Variants in AMER1 observed in about 807,000 individuals in gnomAD.
AMER1 encodes RP11-403E24.2.
AMER1 carries 16 observed loss-of-function variants against 53.0 expected under a neutral mutation model. The ratio of observed to expected loss-of-function variants is 0.30; its 90% CI spans 0.20 to 0.46. The LOEUF (loss-of-function observed/expected upper bound fraction) is 0.46, where lower values mean the gene tolerates loss of function less well. Ranked by LOEUF, AMER1 falls within the 20% of genes least tolerant of loss-of-function variation. AMER1 has a pLI of 1.00. For synonymous variants in AMER1, 354 were observed against 331.9 expected (o/e 1.07, Z -0.73); for missense variants, 947 against 884.9 (o/e 1.07, Z -0.89).
At position 64,192,872 on chromosome X, in the gene AMER1, T is replaced by C. The variant is rs1411299812; in HGVS notation, c.415A>G (p.Thr139Ala). The C allele has an allele frequency of 2.5e-6, 3 of 1,210,364 alleles. No individual in the cohort carries two copies. The highest frequency in any genetic ancestry group is 3.4e-6 in the Non-Finnish European group (3 of 895,326). The change falls in exon 2 of 2, where the codon ACA becomes GCA. Residue 139 changes from threonine to alanine, a missense_variant. Transcript: ENST00000374869. Reference sequence around the variant, plus strand: ...ACAGATGTCTTACATCTGGAGCCTGTCTCCAAAGCCCCATGGGCACTCTGA... The same window carrying C: ...ACAGATGTCTTACATCTGGAGCCTGCCTCCAAAGCCCCATGGGCACTCTGA... ...SSQSAHGALE[T>A]GSRCKTSVAG... is the part of the protein sequence containing the mutation.
chrX:64,205,311 G>A (rs1395562452), intron 1 of AMER1, among the ~76,000 whole-genome samples: 1 of 107,171 alleles, frequency 9.3e-6, no homozygotes, highest in Non-Finnish European at 2.0e-5. Flanking sequence ...GGGAGGCTTG[G>A]CCCAGGCTAG....
chrX:64,185,821 A>T lies in AMER1; in HGVS notation c.*4058T>A, dbSNP rs1930093738. ...AAGGGTTTCCTCAACGAGATGGTAA[A>T]TTCCTGATAGTGCAAGCATCATTGT... is the stretch of plus-strand genomic sequence containing the variant. On this transcript the variant is annotated 3_prime_UTR_variant, in exon 2 of 2. Coordinates refer to ENST00000374869, the MANE Select transcript of AMER1 (RefSeq NM_152424.4). The T allele has an allele frequency of 8.3e-6, 2 of 240,644 alleles. No homozygotes were observed. Among genetic ancestry groups the T allele is most frequent in the Admixed American group, 1.3e-4 (2 of 15,677 alleles). 19.8% of individuals were successfully genotyped at this position (240,644 alleles called of 1,213,427 possible). A position where few individuals can be genotyped will look rare whatever the true frequency, so the allele number is the denominator to read the frequency against.
Position 64,189,106 on chromosome X carries a change from A to C in AMER1, c.*773T>G, listed in dbSNP as rs1187566885. ...GATTAGCATTTTTGTCTTTAACCCA[A>C]GCTATGGCAGGACAGTTAAAAGGCC... On this transcript the variant is annotated 3_prime_UTR_variant, in exon 2 of 2. Transcript: ENST00000374869. 2 of 780,750 alleles carry C rather than the reference A, an allele frequency of 2.6e-6. No homozygotes were observed. Among genetic ancestry groups the C allele is most frequent in the East Asian group, 1.5e-4 (2 of 13,669 alleles). The allele number at this position is 780,750 out of a possible 1,213,427, so 64.3% of individuals were successfully genotyped here.
rs2147085822 is a variant in AMER1, at chrX:64,190,736, A to G, written c.2551T>C (p.Phe851Leu). The change falls in exon 2 of 2, where the codon TTC (phenylalanine) becomes CTC (leucine). Residue 851 changes from phenylalanine (F) to leucine (L), a missense_variant. Transcript: ENST00000374869. ...FELGYYHKHA[F>L]NNYHSRFYQG... ...TAGAATCGACTATGGTAGTTGTTGA[A>G]GGCATGTTTGTGATAGTAGCCCAGC... The G allele has an allele frequency of 8.3e-7, 1 of 1,206,852 alleles. No individual in the cohort carries two copies. Among genetic ancestry groups the G allele is most frequent in the Non-Finnish European group, 1.1e-6 (1 of 892,890 alleles).
chrX:64,185,908 T>G lies in AMER1; in HGVS notation c.*3971A>C. ...TGGTTGAAACCCCCTTCCTTCCCCATTGGGTGGAGAATGTTCCCAAAATGC... is the reference window on the plus strand; with the variant it reads ...TGGTTGAAACCCCCTTCCTTCCCCAGTGGGTGGAGAATGTTCCCAAAATGC... On this transcript the variant is annotated 3_prime_UTR_variant, in exon 2 of 2. Transcript: ENST00000374869. 5.4e-6 allele frequency: 2 copies of G among 367,793 alleles called. No homozygotes were observed. The highest frequency in any genetic ancestry group is 9.5e-6 in the Non-Finnish European group (2 of 210,024). The allele number at this position is 367,793 out of a possible 1,213,427, so 30.3% of individuals were successfully genotyped here. A position where few individuals can be genotyped will look rare whatever the true frequency, so the allele number is the denominator to read the frequency against.
Position 64,192,744 on chromosome X carries a change from C to G in AMER1, c.543G>C (p.Lys181Asn), listed in dbSNP as rs1274027031. 5.8e-6 allele frequency: 7 copies of G among 1,203,611 alleles called. No homozygotes were observed. Among genetic ancestry groups the G allele is most frequent in the Non-Finnish European group, 7.9e-6 (7 of 891,569 alleles). The change falls in exon 2 of 2, where the codon AAG becomes AAC. Residue 181 changes from lysine to asparagine, a missense_variant. Physicochemically the swap from Lys to Asn is moderately conservative, Grantham distance 94 (BLOSUM62 0). Transcript: ENST00000374869. ...TTTGCTCAGCCCCAGTGACCTTGCT[C>G]TTCCGGTGACGGCGGATACTGCTAA... ...GFFSSIRRHRKSKVTGAEQSE... is the reference protein window; with the variant it reads ...GFFSSIRRHRNSKVTGAEQSE...
Position 64,189,539 on chromosome X carries a change from T to TATATA in AMER1, c.*335_*339dup, listed in dbSNP as rs1930191159. 9.0e-6 allele frequency: 1 copy of TATATA among 111,148 alleles called. No homozygotes were observed. The highest frequency in any genetic ancestry group is 1.2e-4 in the African/African-American group (1 of 8,061). The allele number at this position is 111,148 out of a possible 1,213,427, so 9.2% of individuals were successfully genotyped here. A position where few individuals can be genotyped will look rare whatever the true frequency, so the allele number is the denominator to read the frequency against. ...GTATATATATATATATATATATATATATATATATATATATATATAATCACT... is the reference window on the plus strand; with the variant it reads ...GTATATATATATATATATATATATATATATAATATATATATATATATATAATCACT... On this transcript the variant is annotated 3_prime_UTR_variant, in exon 2 of 2. Coordinates refer to ENST00000374869, the MANE Select transcript of AMER1 (RefSeq NM_152424.4).
chrX:64,200,799 C>T (rs753772862), intron 1 of AMER1, among the ~76,000 whole-genome samples: 1 of 111,718 alleles, frequency 9.0e-6, no homozygotes, highest in African/African-American at 3.3e-5. Context: ...CTTACACCAC[C>T]CCTCAACATT....
chrX:64,192,525 G>C lies in AMER1; in HGVS notation c.762C>G (p.Ala254=), dbSNP rs1441292406. ...CCATGGGTTTTTCTGGATCTTTACA[G>C]GCCATTTTCTCAGTAGCTGGTGGAG... ...EPSPPATEKM[A]CKDPEKPMEA... is the part of the protein sequence containing the mutation. The change falls in exon 2 of 2, where the codon GCC becomes GCG. Residue 254 remains alanine, a synonymous_variant. Transcript: ENST00000374869. 8.3e-7 allele frequency: 1 copy of C among 1,206,517 alleles called. No homozygotes were observed. The highest frequency in any genetic ancestry group is 1.1e-6 in the Non-Finnish European group (1 of 893,816).
At position 64,189,267 on chromosome X, in the gene AMER1, A is replaced by G; in HGVS notation, c.*612T>C. 1.3e-6 allele frequency: 1 copy of G among 793,883 alleles called. No homozygotes were observed. The allele number at this position is 793,883 out of a possible 1,213,427, so 65.4% of individuals were successfully genotyped here. On this transcript the variant is annotated 3_prime_UTR_variant, in exon 2 of 2. Transcript: ENST00000374869. ...AATGATGGCAGCTATGCCAGGCCAA[A>G]AGGAATAGGGGTGGGGAGGATCTGT...
Position 64,189,392 on chromosome X carries a change from G to C in AMER1, c.*487C>G. The stretch of plus-strand genomic sequence containing the variant: ...ATCAGTGGTTCATCATTCATTGGGG[G>C]AAAGGGGCAGGGGGCACTAAAGGTT... On this transcript the variant is annotated 3_prime_UTR_variant, in exon 2 of 2. Transcript: ENST00000374869. 1.3e-6 allele frequency: 1 copy of C among 781,841 alleles called. No homozygotes were observed. The highest frequency in any genetic ancestry group is 8.3e-5 in the East Asian group (1 of 12,070). The allele number at this position is 781,841 out of a possible 1,213,427, so 64.4% of individuals were successfully genotyped here. A position where few individuals can be genotyped will look rare whatever the true frequency, so the allele number is the denominator to read the frequency against.
chrX:64,189,793 A>AGGGGGGGGGGGCCCCCCCCC lies in AMER1; in HGVS notation c.*85_*86insGGGGGGGGGCCCCCCCCCCC. The stretch of plus-strand genomic sequence containing the variant: ...CAAAGGGTTTTCAAGTTAAACAACA[A>AGGGGGGGGGGGCCCCCCCCC]CCCCCACCCCCCCACCCTTCTGCCC... On this transcript the variant is annotated 3_prime_UTR_variant, in exon 2 of 2. Coordinates refer to ENST00000374869, the MANE Select transcript of AMER1 (RefSeq NM_152424.4). 3.4e-6 allele frequency: 1 copy of AGGGGGGGGGGGCCCCCCCCC among 292,074 alleles called. No individual in the cohort carries two copies. The highest frequency in any genetic ancestry group is 4.9e-6 in the Non-Finnish European group (1 of 204,832). The allele number at this position is 292,074 out of a possible 1,213,427, so 24.1% of individuals were successfully genotyped here.
chrX:64,201,792 C>T (rs1419408034), intron 1 of AMER1, among the ~76,000 whole-genome samples: 1 of 112,118 alleles, frequency 8.9e-6, no homozygotes, highest in Non-Finnish European at 1.9e-5. Flanking sequence ...AGAGTTGTTT[C>T]TTCCATACAC....
chrX:64,188,354 T>C lies in AMER1; in HGVS notation c.*1525A>G, dbSNP rs938102416. ...ACAGGTGATTAATGAGAGGTTGAGC[T>C]TGGCAAGATTAGCCTGTTCCAATGT... On this transcript the variant is annotated 3_prime_UTR_variant, in exon 2 of 2. Coordinates refer to ENST00000374869, the MANE Select transcript of AMER1 (RefSeq NM_152424.4). 11 of 801,256 alleles carry C rather than the reference T, an allele frequency of 1.4e-5. No individual in the cohort carries two copies. The highest frequency in any genetic ancestry group is 1.6e-5 in the Non-Finnish European group (11 of 668,774). The allele number at this position is 801,256 out of a possible 1,213,427, so 66.0% of individuals were successfully genotyped here. A position where few individuals can be genotyped will look rare whatever the true frequency, so the allele number is the denominator to read the frequency against.
rs748618414 is a variant in AMER1 at position 64,190,607 on chromosome X, G to A, written c.2680C>T (p.Arg894Cys). The change falls in exon 2 of 2, where the codon CGC becomes TGC. Residue 894 changes from arginine to cysteine, a missense_variant. Arg to Cys is a radical substitution (Grantham distance 180). Transcript: ENST00000374869. ...AGGGTCTCTGCAGTGTCGAGAGAGCGGCTTCTCCTGTTGAGGGCCATAGCA... is the reference window on the plus strand; with the variant it reads ...AGGGTCTCTGCAGTGTCGAGAGAGCAGCTTCTCCTGTTGAGGGCCATAGCA... ...PAAMALNRRS[R>C]SLDTAETLEM... The A allele has an allele frequency of 1.7e-5, 21 of 1,210,457 alleles. No individual in the cohort carries two copies. Among genetic ancestry groups the A allele is most frequent in the Non-Finnish European group, 2.2e-5 (20 of 895,313 alleles).
rs180695909 is a variant in AMER1 at position 64,191,064 on chromosome X, G to A, written c.2223C>T (p.Pro741=). ...DMQEANFGGS[P]RRAYPTYSPP... ...GTGAATAAGTAGGGTAGGCCCTCCT[G>A]GGAGATCCTCCAAAATTTGCTTCTT... Residue 741 remains proline (P), a synonymous_variant, in exon 2 of 2, where the codon CCC becomes CCT. Coordinates refer to ENST00000374869, the MANE Select transcript of AMER1 (RefSeq NM_152424.4). The A allele has an allele frequency of 8.3e-6, 10 of 1,210,546 alleles. No homozygotes were observed. Among genetic ancestry groups the A allele is most frequent in the African/African-American group, 3.5e-5 (2 of 57,407 alleles).
Position 64,189,239 on chromosome X carries a change from T to TA in AMER1, c.*639dup. 1 of 797,173 alleles carries TA rather than the reference T, an allele frequency of 1.3e-6. No individual in the cohort carries two copies. The highest frequency in any genetic ancestry group is 1.5e-6 in the Non-Finnish European group (1 of 665,718). The allele number at this position is 797,173 out of a possible 1,213,427, so 65.7% of individuals were successfully genotyped here. A position where few individuals can be genotyped will look rare whatever the true frequency, so the allele number is the denominator to read the frequency against. On this transcript the variant is annotated 3_prime_UTR_variant, in exon 2 of 2. Transcript: ENST00000374869. Reference sequence around the variant, plus strand: ...GGATGAATAGCTTATAGTCATCTGATATAATGATGGCAGCTATGCCAGGCC... The same window carrying TA: ...GGATGAATAGCTTATAGTCATCTGATAATAATGATGGCAGCTATGCCAGGCC...
At chrX:64,202,911 G>A (rs1339517496) in intron 1 of AMER1, among the ~76,000 whole-genome samples, 1 of 111,594 alleles carries the variant, frequency 9.0e-6, no homozygotes, top group Admixed American at 9.5e-5. Context: ...TGGCATCCGG[G>A]AAACCCCATC....
At position 64,190,662 on chromosome X, in the gene AMER1, C is replaced by A. The variant is rs754067565; in HGVS notation, c.2625G>T (p.Leu875=). The A allele has an allele frequency of 6.6e-6, 8 of 1,210,009 alleles. No individual in the cohort carries two copies. In the South Asian group the frequency reaches 1.2e-4, roughly 19 times the overall value. ...GVSSLPRYLG[L]PGLHPRPPPA... is the part of the protein sequence containing the mutation. ...GTGGAGGTCGAGGGTGCAGGCCAGG[C>A]AGTCCCAAGTATCGAGGGAGGCTGC... The change falls in exon 2 of 2, where the codon CTG becomes CTT. Residue 875 remains leucine, a synonymous_variant. Coordinates refer to ENST00000374869, the MANE Select transcript of AMER1 (RefSeq NM_152424.4).
Sources: allele counts gnomAD v4.1 joint callset (sites outside exome capture counted in the v4.1 genomes callset), GRCh38; gene constraint gnomAD v4.1.1; transcripts MANE v1.5; gene names NCBI Gene and HGNC (gene_info 2026-07-23, HGNC 2026-07-21).